Variants in TNFRSF10B observed in about 807,000 individuals in gnomAD.
TNFRSF10B encodes TNF receptor superfamily member 10b, also known as tumor necrosis factor receptor superfamily member 10B.
TNFRSF10B carries 35 observed loss-of-function variants against 41.4 expected under a neutral mutation model. The observed-to-expected ratio is 0.85, with a 90% CI of 0.65 to 1.12. The LOEUF (loss-of-function observed/expected upper bound fraction) is 1.12. Among genes scored for constraint, TNFRSF10B ranks in the 50% most tolerant of loss-of-function variants. The probability of loss-of-function intolerance (pLI) is 0.00; values close to 1 mark genes in which losing one functional copy is unlikely to be tolerated. For synonymous variants in TNFRSF10B, 230 were observed against 215.5 expected (o/e 1.07, Z -0.59); for missense variants, 584 against 552.7 (o/e 1.06, Z -0.57).
chr8:23,027,711 A>C lies in TNFRSF10B; in HGVS notation c.780+11T>G. 6.2e-7 allele frequency: 1 copy of C among 1,614,016 alleles called. No homozygotes were observed. The highest frequency in any genetic ancestry group is 8.5e-7 in the Non-Finnish European group (1 of 1,179,984). On this transcript the variant is annotated intron_variant, in intron 6 of 8. Coordinates refer to ENST00000276431, the MANE Select transcript of TNFRSF10B (RefSeq NM_003842.5). ...CCCCTGAGCCCCCAGCTCCTGGAGA[A>C]ATCAACTCACTCTGTCCACACGCTC...
chr8:23,049,949 G>C (rs146706863), intron 1 of TNFRSF10B: 2 of 152,284 alleles, frequency 1.3e-5, no homozygotes, highest in African/African-American at 4.8e-5. Flanking sequence ...CTTGCGATGA[G>C]ACAGTCTTCA....
chr8:23,024,321 C>G, intron 7 of TNFRSF10B, 61 bp from the exon 8 acceptor site: 1 of 1,593,652 alleles, frequency 6.3e-7, no homozygotes, highest in Non-Finnish European at 8.6e-7. Context: ...CCAGTACTGA[C>G]CCCGACCACC....
chr8:23,040,416 A>G (rs373833956), intron 2 of TNFRSF10B, among the ~76,000 whole-genome samples: 12,653 of 46,478 alleles, frequency 0.27, 5,325 homozygotes, highest in East Asian at 0.46. Flanking sequence ...TACAAAATAT[A>G]TATTTATTAA....
In TNFRSF10B at chr8:23,020,989, C is replaced by T. The variant is rs1286061122; in HGVS notation, c.*1682G>A. 6.6e-6 allele frequency: 3 copies of T among 454,130 alleles called. No homozygotes were observed. The highest frequency in any genetic ancestry group is 1.3e-5 in the Non-Finnish European group (3 of 226,796). 28.1% of individuals were successfully genotyped at this position (454,130 alleles called of 1,614,324 possible). On this transcript the variant is annotated 3_prime_UTR_variant, in exon 9 of 9. Coordinates refer to ENST00000276431, the MANE Select transcript of TNFRSF10B (RefSeq NM_003842.5). ...CCCCCCACTCCTAAAACTCCACAGACACAACAGTCTGAATGTGTGATCTTC... is the reference window on the plus strand; with the variant it reads ...CCCCCCACTCCTAAAACTCCACAGATACAACAGTCTGAATGTGTGATCTTC...
intron 1 of TNFRSF10B, among the ~76,000 whole-genome samples, chr8:23,055,909 A>G (rs941960482): frequency 6.6e-6 from 1 of 152,218 alleles, no homozygotes; most frequent in Non-Finnish European, 1.5e-5. Flanking sequence ...TTACATGTAG[A>G]CATATAGGTT....
rs149893411 is a variant in TNFRSF10B at position 23,055,596 on chromosome 8, T to C, written c.145-12353A>G. Among the ~76,000 whole-genome samples, 1,328 of 150,782 alleles carry C rather than the reference T, an allele frequency of 8.8e-3. 25 individuals are homozygous for C. Among genetic ancestry groups the C allele is most frequent in the African/African-American group, 0.031 (1,275 of 41,036 alleles). ...ACAAAAGCCCATCAAGAGTTTTGCT[T>C]AGGCCTTTCCTGGGCCTTAAAGCAT... On this transcript the variant is annotated intron_variant, in intron 1 of 8. Transcript: ENST00000276431.
chr8:23,043,837 G>C (rs1812278958), intron 1 of TNFRSF10B, among the ~76,000 whole-genome samples: 1 of 152,192 alleles, frequency 6.6e-6, no homozygotes, highest in South Asian at 2.1e-4. Context: ...CAATTGTGTT[G>C]TGTGAACATC....
chr8:23,035,947 G>A (rs560345337), intron 2 of TNFRSF10B, among the ~76,000 whole-genome samples: 2 of 152,280 alleles, frequency 1.3e-5, no homozygotes, highest in South Asian at 4.1e-4. Context: ...TGTCACTTGG[G>A]CCATACGACC....
intron 1 of TNFRSF10B, among the ~76,000 whole-genome samples, chr8:23,066,790 G>C (rs997685890): frequency 7.9e-5 from 12 of 151,882 alleles, no homozygotes; most frequent in African/African-American, 2.2e-4. Flanking sequence ...CCAGCTACAC[G>C]GGATGCTGAG....
At chr8:23,026,075 C>CA (rs971130919) in intron 7 of TNFRSF10B, among the ~76,000 whole-genome samples, 29 of 144,480 alleles carry the variant, frequency 2.0e-4, no homozygotes, top group East Asian at 6.0e-4. Flanking sequence ...GATCCTGTCT[C>CA]AAAAAAAAAA....
rs142791725 is a variant in TNFRSF10B at position 23,021,191 on chromosome 8, A to C, written c.*1480T>G. 5 of 454,148 alleles carry C rather than the reference A, an allele frequency of 1.1e-5. No individual in the cohort carries two copies. In the East Asian group the frequency reaches 3.5e-4, roughly 32 times the overall value. 28.1% of individuals were successfully genotyped at this position (454,148 alleles called of 1,614,324 possible). A position where few individuals can be genotyped will look rare whatever the true frequency, so the allele number is the denominator to read the frequency against. On this transcript the variant is annotated 3_prime_UTR_variant, in exon 9 of 9. Transcript: ENST00000276431. ...GGCTGAAATGGTTACTGAGGTCTTAAAACAATAATAGAACAGGACACAAGA... is the reference window on the plus strand; with the variant it reads ...GGCTGAAATGGTTACTGAGGTCTTACAACAATAATAGAACAGGACACAAGA...
Position 23,022,863 on chromosome 8 carries a change from G to A in TNFRSF10B, c.1131C>T (p.Gly377=). ...GCATCGTGTACAAGGTGTCCCTGTG[G>A]CCCGCTGCCTCAGCTTTAGCCACCT... ...EIKVAKAEAA[G]HRDTLYTMLI... Residue 377 remains glycine (G), a synonymous_variant, in exon 9 of 9, where the codon GGC becomes GGT. Transcript: ENST00000276431. 6.2e-7 allele frequency: 1 copy of A among 1,614,060 alleles called. No homozygotes were observed. The highest frequency in any genetic ancestry group is 8.5e-7 in the Non-Finnish European group (1 of 1,180,010).
At chr8:23,036,171 A>G (rs1000759226) in intron 2 of TNFRSF10B, among the ~76,000 whole-genome samples, 17 of 152,196 alleles carry the variant, frequency 1.1e-4, no homozygotes, top group African/African-American at 4.1e-4. Context: ...TAGGCCACCA[A>G]ATTACTCTAC....
chr8:23,064,264 G>A (rs1314708597), intron 1 of TNFRSF10B, among the ~76,000 whole-genome samples: 1 of 152,188 alleles, frequency 6.6e-6, no homozygotes, highest in East Asian at 1.9e-4. Flanking sequence ...CAGACAGACA[G>A]GAATCCAGTG....
chr8:23,067,573 A>G (rs938040602), intron 1 of TNFRSF10B, among the ~76,000 whole-genome samples: 1 of 152,184 alleles, frequency 6.6e-6, no homozygotes, highest in African/African-American at 2.4e-5. Context: ...CTGGGGACCT[A>G]GGCCCACAGA....
At chr8:23,026,628 A>G (rs529445694) in intron 7 of TNFRSF10B, among the ~76,000 whole-genome samples, 1 of 152,342 alleles carries the variant, frequency 6.6e-6, no homozygotes, top group African/African-American at 2.4e-5. Flanking sequence ...TGCCTACTCA[A>G]TATCACATCA....
At position 23,021,777 on chromosome 8, in the gene TNFRSF10B, A is replaced by C; in HGVS notation, c.*894T>G. 1 of 454,120 alleles carries C rather than the reference A, an allele frequency of 2.2e-6. No individual in the cohort carries two copies. The highest frequency in any genetic ancestry group is 4.4e-6 in the Non-Finnish European group (1 of 226,792). The allele number at this position is 454,120 out of a possible 1,614,324, so 28.1% of individuals were successfully genotyped here. ...CCCCTGTAGAAGTTGCCAATCATTGAAGCCAAAGTACATCTGAGGGAGGGC... is the reference window on the plus strand; with the variant it reads ...CCCCTGTAGAAGTTGCCAATCATTGCAGCCAAAGTACATCTGAGGGAGGGC... On this transcript the variant is annotated 3_prime_UTR_variant, in exon 9 of 9. Coordinates refer to ENST00000276431, the MANE Select transcript of TNFRSF10B (RefSeq NM_003842.5).
At chr8:23,057,567 G>T (rs1054964137) in intron 1 of TNFRSF10B, among the ~76,000 whole-genome samples, 1 of 151,712 alleles carries the variant, frequency 6.6e-6, no homozygotes, top group South Asian at 2.1e-4. Flanking sequence ...CCAGTAGCTG[G>T]GATTACAGGT....
intron 2 of TNFRSF10B, among the ~76,000 whole-genome samples, chr8:23,031,912 A>ATTT (rs1554508518): frequency 2.2e-4 from 6 of 27,878 alleles, no homozygotes; most frequent in South Asian, 1.4e-3. Context: ...TTGCAGTAGC[A>ATTT]TTTTTTTTTT....
Sources: allele counts gnomAD v4.1 joint callset (sites outside exome capture counted in the v4.1 genomes callset), GRCh38; gene constraint gnomAD v4.1.1; transcripts MANE v1.5; gene names NCBI Gene and HGNC (gene_info 2026-07-23, HGNC 2026-07-21).